LRRC20: variants seen among roughly 807,000 people sequenced by gnomAD.
LRRC20 encodes the protein leucine-rich repeat-containing protein 20.
In LRRC20, 11 loss-of-function variants were observed where a neutral mutation model predicts 14.4. That is an observed-to-expected ratio of 0.77 (90% confidence interval 0.48 to 1.27). The LOEUF is 1.27. Ranked by LOEUF, LRRC20 falls within the 50% of genes most tolerant of loss-of-function variation. The pLI, the probability that LRRC20 is intolerant of heterozygous loss-of-function variation, is 0.00. For missense variants in LRRC20, 219 were observed against 251.2 expected (o/e 0.87, Z 0.87); for synonymous variants, 121 against 107.3 (o/e 1.13, Z -0.79).
intron 2 of LRRC20, among the ~76,000 whole-genome samples, chr10:70,376,210 C>T (rs138577887): frequency 1.9e-3 from 283 of 152,292 alleles, no homozygotes; most frequent in African/African-American, 6.6e-3. Context: ...ACTCAGTCAT[C>T]AGCAGTCAAA....
intron 1 of LRRC20, among the ~76,000 whole-genome samples, chr10:70,380,100 C>T (rs1336161112): frequency 6.6e-6 from 1 of 152,184 alleles, no homozygotes; most frequent in Admixed American, 6.5e-5. Flanking sequence ...GTTGAGGACC[C>T]TTGCCTTAGA....
chr10:70,341,186 C>T (rs1039608787), intron 2 of LRRC20, among the ~76,000 whole-genome samples: 2 of 152,224 alleles, frequency 1.3e-5, no homozygotes, highest in Non-Finnish European at 2.9e-5. Flanking sequence ...AAGCCTCGTA[C>T]AAGCAGCAGT....
At chr10:70,364,588 C>G (rs1564642805) in intron 2 of LRRC20, among the ~76,000 whole-genome samples, 1 of 152,206 alleles carries the variant, frequency 6.6e-6, no homozygotes, top group African/African-American at 2.4e-5. Context: ...GGAGTGGAAG[C>G]CTTGGTCAGA....
At chr10:70,363,264 G>A (rs1391892761) in intron 2 of LRRC20, among the ~76,000 whole-genome samples, 1 of 151,288 alleles carries the variant, frequency 6.6e-6, no homozygotes, top group Non-Finnish European at 1.5e-5. Context: ...GGGGAGGGAA[G>A]GGGAGGGGAG....
intron 4 of LRRC20, among the ~76,000 whole-genome samples, chr10:70,321,663 C>T (rs1842078755): frequency 6.6e-6 from 1 of 152,214 alleles, no homozygotes; most frequent in East Asian, 1.9e-4. Flanking sequence ...CAGCCCCTGG[C>T]ATTTCCATAT....
chr10:70,366,340 T>C (rs1374079354), intron 2 of LRRC20, among the ~76,000 whole-genome samples: 4 of 151,586 alleles, frequency 2.6e-5, no homozygotes, highest in African/African-American at 9.7e-5. Context: ...GGAGAATCAC[T>C]TGAACCTGGG....
intron 3 of LRRC20, among the ~76,000 whole-genome samples, chr10:70,334,280 GC>G (rs1842640450): frequency 6.6e-6 from 1 of 152,098 alleles, no homozygotes. Context: ...ACATTCCTGA[GC>G]CCCCTCTTCT....
chr10:70,360,067 C>G (rs766008225), intron 2 of LRRC20, among the ~76,000 whole-genome samples: 1 of 152,004 alleles, frequency 6.6e-6, no homozygotes, highest in African/African-American at 2.4e-5. Context: ...AGGTGCCCAC[C>G]ACCACACCCG....
chr10:70,301,526 G>A lies in LRRC20; in HGVS notation c.401-18C>T. The A allele has an allele frequency of 1.2e-6, 2 of 1,613,188 alleles. No individual in the cohort carries two copies. The highest frequency in any genetic ancestry group is 8.5e-7 in the Non-Finnish European group (1 of 1,179,662). ...GGGCACATCTATTGGGGACAGAATG[G>A]ACAGGTTAGAGTGGTGGAGGCCAAC... On this transcript the variant is annotated intron_variant, in intron 4 of 4. Transcript: ENST00000446961.
chr10:70,323,680 C>G (rs1403456585), intron 4 of LRRC20, among the ~76,000 whole-genome samples, 183 bp downstream of exon 4: 1 of 152,240 alleles, frequency 6.6e-6, no homozygotes, highest in African/African-American at 2.4e-5. Context: ...GTGTCCCACC[C>G]AGCACCCGGT....
intron 2 of LRRC20, among the ~76,000 whole-genome samples, chr10:70,347,172 A>G (rs966017803): frequency 1.3e-5 from 2 of 149,008 alleles, no homozygotes; most frequent in African/African-American, 5.2e-5. Context: ...CTTTTATTGG[A>G]AAAAATAACC....
At chr10:70,304,235 C>T (rs1841319783) in intron 4 of LRRC20, among the ~76,000 whole-genome samples, 1 of 151,960 alleles carries the variant, frequency 6.6e-6, no homozygotes, top group Admixed American at 6.6e-5. Flanking sequence ...AACCTCCCAC[C>T]CTAGCACAGG....
At chr10:70,326,469 G>A (rs537977349) in intron 3 of LRRC20, among the ~76,000 whole-genome samples, 86 of 152,256 alleles carry the variant, frequency 5.6e-4, no homozygotes, top group African/African-American at 2.0e-3. Flanking sequence ...CAGAAAATAT[G>A]TGATAAATAA....
chr10:70,375,965 T>C (rs374586947), intron 2 of LRRC20, among the ~76,000 whole-genome samples: 2 of 151,874 alleles, frequency 1.3e-5, no homozygotes, highest in African/African-American at 2.4e-5. Context: ...TCAAGAAAAA[T>C]AGTGGAGTGT....
intron 3 of LRRC20, among the ~76,000 whole-genome samples, chr10:70,324,762 A>T (rs1274070036): frequency 6.6e-6 from 1 of 152,088 alleles, no homozygotes; most frequent in African/African-American, 2.4e-5. Flanking sequence ...GGGGGGCAGG[A>T]AGCAAGGGCA....
intron 2 of LRRC20, among the ~76,000 whole-genome samples, chr10:70,354,672 G>A (rs1040847770): frequency 2.6e-5 from 4 of 152,266 alleles, no homozygotes; most frequent in African/African-American, 9.6e-5. Flanking sequence ...AGTGCTGGCT[G>A]CTCCTGCCTG....
intron 3 of LRRC20, 46 bp from the exon 4 acceptor site, chr10:70,324,076 A>G (rs766556356): frequency 6.3e-7 from 1 of 1,580,170 alleles, no homozygotes; most frequent in Non-Finnish European, 8.7e-7. Flanking sequence ...GGAGGGGGCC[A>G]CCCCGAGACC....
intron 2 of LRRC20, 54 bp downstream of exon 2, chr10:70,376,398 G>A: frequency 6.4e-7 from 1 of 1,555,454 alleles, no homozygotes; most frequent in Non-Finnish European, 8.9e-7. Flanking sequence ...TCATTTCTAA[G>A]CTGATCTCAC....
chr10:70,360,239 T>A (rs1843674314), intron 2 of LRRC20, among the ~76,000 whole-genome samples: 1 of 152,178 alleles, frequency 6.6e-6, no homozygotes, highest in East Asian at 1.9e-4. Context: ...TTGTTTTTAC[T>A]AGAGATGGGG....
Sources: gnomAD v4.1 joint callset for allele counts (sites outside exome capture counted in the v4.1 genomes callset) on GRCh38, gnomAD v4.1.1 for gene constraint, MANE v1.5 for transcripts, NCBI Gene and HGNC (gene_info 2026-07-23, HGNC 2026-07-21) for gene names.